Variants in LUZP2 observed in about 807,000 individuals in gnomAD.
LUZP2 encodes leucine zipper protein 2.
In LUZP2, 52 loss-of-function variants were observed where a neutral mutation model predicts 51.6. The observed-to-expected ratio is 1.01, with a 90% CI of 0.81 to 1.27. LUZP2 has a LOEUF of 1.27. Among genes scored for constraint, LUZP2 ranks in the 50% most tolerant of loss-of-function variants. The pLI, the probability that LUZP2 is intolerant of heterozygous loss-of-function variation, is 0.00. For synonymous variants in LUZP2, 154 were observed against 137.3 expected, an observed-to-expected ratio of 1.12 and a Z score of -0.85; for missense variants, 436 against 395.4, an observed-to-expected ratio of 1.10 and a Z score of -0.87.
chr11:24,558,847 C>A (rs1851948936), intron 1 of LUZP2, among the ~76,000 whole-genome samples: 1 of 152,148 alleles, frequency 6.6e-6, no homozygotes, highest in South Asian at 2.1e-4. Flanking sequence ...CATTGAACAG[C>A]CCTCACTAGA....
intron 5 of LUZP2, among the ~76,000 whole-genome samples, chr11:24,897,103 A>G (rs960038612): frequency 6.6e-6 from 1 of 152,154 alleles, no homozygotes; most frequent in South Asian, 2.1e-4. Context: ...GGACTTGGAG[A>G]ACTTTTACCT....
At chr11:24,846,383 G>A (rs1240721835) in intron 5 of LUZP2, among the ~76,000 whole-genome samples, 2 of 151,552 alleles carry the variant, frequency 1.3e-5, no homozygotes, top group Non-Finnish European at 1.5e-5. Context: ...TTTTGAAAAC[G>A]AGTAATAGAA....
rs1858863694 is a variant in LUZP2 at position 25,062,378 on chromosome 11, A to C, written c.858+12248A>C. Among the ~76,000 whole-genome samples, 3 of 150,866 alleles carry C rather than the reference A, an allele frequency of 2.0e-5. 1 individual carries two copies. The highest frequency in any genetic ancestry group is 4.5e-5 in the Non-Finnish European group (3 of 67,398). ...GGTAGGCAGATCACTTGAGTTCAGG[A>C]GTTTGAGACCAGCCTGGGAAACATG... On this transcript the variant is annotated intron_variant, in intron 10 of 11. Transcript: ENST00000336930.
chr11:24,915,266 G>A (rs1853755685), intron 7 of LUZP2, among the ~76,000 whole-genome samples: 1 of 152,052 alleles, frequency 6.6e-6, no homozygotes, highest in African/African-American at 2.4e-5. Context: ...TAGCTCAACA[G>A]TGTCAACAAA....
intron 9 of LUZP2, among the ~76,000 whole-genome samples, chr11:25,049,298 G>A (rs1858415844): frequency 6.6e-6 from 1 of 152,148 alleles, no homozygotes; most frequent in Non-Finnish European, 1.5e-5. Context: ...CAGGGATTGA[G>A]GAGCTGAGTG....
intron 7 of LUZP2, among the ~76,000 whole-genome samples, chr11:24,918,690 T>A (rs899049279): frequency 8.6e-5 from 13 of 151,258 alleles, no homozygotes; most frequent in Non-Finnish European, 1.8e-4. Flanking sequence ...TTCAAAAAAG[T>A]GTCAAAAAAT....
At chr11:24,760,108 C>T (rs373073768) in intron 4 of LUZP2, among the ~76,000 whole-genome samples, 20 of 152,008 alleles carry the variant, frequency 1.3e-4, no homozygotes, top group Non-Finnish European at 2.1e-4. Flanking sequence ...ATTTTGTGAT[C>T]GGCAATTGGC....
At chr11:24,529,911 T>C (rs1850941943) in intron 1 of LUZP2, among the ~76,000 whole-genome samples, 9 of 150,992 alleles carry the variant, frequency 6.0e-5, no homozygotes, top group Non-Finnish European at 1.5e-5. Context: ...ATCTCTATTT[T>C]ATGATTAACA....
At chr11:24,716,497 C>T (rs979762046) in intron 1 of LUZP2, among the ~76,000 whole-genome samples, 1 of 152,056 alleles carries the variant, frequency 6.6e-6, no homozygotes, top group African/African-American at 2.4e-5. Context: ...TGAAAAGAGT[C>T]AAGAAGGGTT....
intron 1 of LUZP2, among the ~76,000 whole-genome samples, chr11:24,711,791 T>C (rs909670129): frequency 6.6e-6 from 1 of 152,208 alleles, no homozygotes; most frequent in South Asian, 2.1e-4. Context: ...CTCTGCCCTC[T>C]GTTAAATCAG....
intron 5 of LUZP2, among the ~76,000 whole-genome samples, chr11:24,839,633 T>C (rs2129359): frequency 0.59 from 89,078 of 151,314 alleles, 27,604 homozygotes; most frequent in Middle Eastern, 0.7. Flanking sequence ...GAAAGCCTGA[T>C]GACTTATCTC....
chr11:24,722,610 A>T (rs879906609), intron 1 of LUZP2, among the ~76,000 whole-genome samples: 5 of 152,142 alleles, frequency 3.3e-5, no homozygotes, highest in Admixed American at 6.5e-5. Flanking sequence ...TCATTAAAAG[A>T]TACCATTAAG....
Position 24,941,503 on chromosome 11 carries a change from C to T in LUZP2, c.522+26965C>T, listed in dbSNP as rs139129641. On this transcript the variant is annotated intron_variant, in intron 7 of 11. Coordinates refer to ENST00000336930, the MANE Select transcript of LUZP2 (RefSeq NM_001009909.4). ...AATTCAACAGATGAAGCAACTTCAG[C>T]GTGTCCAACACTGTTGGATGCAGTT... Among the ~76,000 whole-genome samples the T allele has an allele frequency of 2.8e-3, 425 of 152,154 alleles. 1 individual carries two copies. The highest frequency in any genetic ancestry group is 9.1e-3 in the African/African-American group (376 of 41,536).
chr11:24,653,316 TCA>T (rs1855694114), intron 1 of LUZP2, among the ~76,000 whole-genome samples: 1 of 152,168 alleles, frequency 6.6e-6, no homozygotes, highest in Non-Finnish European at 1.5e-5. Context: ...GACAGATAAG[TCA>T]CAGGAAACCA....
At chr11:24,926,327 GTATA>G (rs36155478) in intron 7 of LUZP2, among the ~76,000 whole-genome samples, 830 of 35,542 alleles carry the variant, frequency 0.023, 98 homozygotes, top group African/African-American at 0.079. Context: ...ATACGTGTGT[GTATA>G]TATATATACG....
At chr11:24,669,993 T>C (rs1286127680) in intron 1 of LUZP2, among the ~76,000 whole-genome samples, 1 of 152,034 alleles carries the variant, frequency 6.6e-6, no homozygotes, top group Non-Finnish European at 1.5e-5. Flanking sequence ...GGCTACATTC[T>C]GAATTAAAAA....
chr11:24,817,098 T>C (rs754876360), intron 5 of LUZP2, among the ~76,000 whole-genome samples: 3 of 152,034 alleles, frequency 2.0e-5, no homozygotes, highest in Non-Finnish European at 4.4e-5. Context: ...GCATCATTCT[T>C]TGGTAATTTG....
chr11:24,630,246 T>C (rs953757431), intron 1 of LUZP2, among the ~76,000 whole-genome samples: 12 of 152,144 alleles, frequency 7.9e-5, no homozygotes, highest in Admixed American at 1.3e-4. Flanking sequence ...TTTCAGGTCT[T>C]AGTCATTAAT....
chr11:24,764,493 A>T (rs1324727751), intron 5 of LUZP2, among the ~76,000 whole-genome samples: 3 of 27,130 alleles, frequency 1.1e-4, no homozygotes, highest in South Asian at 9.7e-4. Context: ...TCATCTCTAA[A>T]AAAAAAAAAA....
Sources: allele counts gnomAD v4.1 joint callset (sites outside exome capture counted in the v4.1 genomes callset), GRCh38; gene constraint gnomAD v4.1.1; transcripts MANE v1.5; gene names NCBI Gene and HGNC (gene_info 2026-07-23, HGNC 2026-07-21).